The following DCC variants were observed in gnomAD, a reference collection of about 807,000 sequenced individuals.
DCC encodes netrin receptor DCC.
DCC carries 58 observed loss-of-function variants against 172.5 expected under a neutral mutation model. The ratio of observed to expected loss-of-function variants is 0.34; its 90% confidence interval spans 0.27 to 0.42. The LOEUF (loss-of-function observed/expected upper bound fraction) is 0.42. Among genes scored for constraint, DCC ranks in the 10% least tolerant of loss-of-function variants. The pLI is 1.00. For missense variants in DCC, 1,740 were observed against 1,791.0 expected, an observed-to-expected ratio of 0.97 and a Z score of 0.51; for synonymous variants, 709 against 644.5, an observed-to-expected ratio of 1.10 and a Z score of -1.52.
intron 7 of DCC, among the ~76,000 whole-genome samples, chr18:53,110,782 C>A (rs1173422046): frequency 1.6e-5 from 2 of 128,620 alleles, no homozygotes; most frequent in Non-Finnish European, 1.6e-5. Flanking sequence ...GAAATAGGAA[C>A]ACTTTTACAC....
chr18:53,349,678 A>G (rs761762681), intron 15 of DCC, among the ~76,000 whole-genome samples: 55 of 152,214 alleles, frequency 3.6e-4, no homozygotes, highest in Non-Finnish European at 5.9e-5. Context: ...AACCTACATG[A>G]CTGGCAGCAG....
At chr18:52,465,590 C>A (rs1203245515) in intron 1 of DCC, among the ~76,000 whole-genome samples, 1 of 152,116 alleles carries the variant, frequency 6.6e-6, no homozygotes, top group East Asian at 1.9e-4. Flanking sequence ...GAGGCTGCGG[C>A]CCTTTGTCCC....
chr18:53,424,544 A>G (rs1910800756), intron 21 of DCC, among the ~76,000 whole-genome samples: 1 of 152,326 alleles, frequency 6.6e-6, no homozygotes, highest in Non-Finnish European at 1.5e-5. Context: ...GGGATTTCAG[A>G]TAAATCATTG....
chr18:53,198,802 T>G (rs986354793), intron 9 of DCC, among the ~76,000 whole-genome samples: 21 of 152,214 alleles, frequency 1.4e-4, no homozygotes, highest in African/African-American at 4.3e-4. Flanking sequence ...ATGAGTTACT[T>G]GCATAGATTA....
intron 1 of DCC, among the ~76,000 whole-genome samples, chr18:52,569,995 C>T (rs896279451): frequency 6.6e-6 from 1 of 152,084 alleles, no homozygotes; most frequent in Non-Finnish European, 1.5e-5. Flanking sequence ...AGAAAGTACA[C>T]TGGATTAGGA....
At chr18:52,690,978 G>T (rs2035921452) in intron 1 of DCC, among the ~76,000 whole-genome samples, 1 of 152,068 alleles carries the variant, frequency 6.6e-6, no homozygotes, top group Admixed American at 6.6e-5. Context: ...ACGAAGGTCT[G>T]CCTCTCCAGG....
intron 1 of DCC, among the ~76,000 whole-genome samples, chr18:52,646,505 C>T (rs905080253): frequency 1.3e-5 from 2 of 152,190 alleles, no homozygotes; most frequent in African/African-American, 4.8e-5. Context: ...ACTTCAGATG[C>T]TAAGTCCAGG....
intron 1 of DCC, among the ~76,000 whole-genome samples, chr18:52,348,074 A>G (rs1030253169): frequency 2.0e-5 from 3 of 152,200 alleles, no homozygotes; most frequent in African/African-American, 7.2e-5. Flanking sequence ...CAGTAATAAA[A>G]TAAATATAAT....
chr18:52,590,042 G>A (rs1228371631), intron 1 of DCC, among the ~76,000 whole-genome samples: 3 of 152,028 alleles, frequency 2.0e-5, no homozygotes, highest in African/African-American at 7.3e-5. Flanking sequence ...ATAGCATAGT[G>A]CTCTGAGAAC....
At chr18:52,497,273 AAAAAAAAATATATAT>A (rs1417775190) in intron 1 of DCC, among the ~76,000 whole-genome samples, 1,619 of 86,476 alleles carry the variant, frequency 0.019, 327 homozygotes, top group Non-Finnish European at 0.028. Flanking sequence ...AAAAAAAAAA[AAAAAAAAATATATAT>A]ATATATATAT....
chr18:52,453,028 C>A (rs1568177001), intron 1 of DCC, among the ~76,000 whole-genome samples: 1 of 152,218 alleles, frequency 6.6e-6, no homozygotes, highest in Admixed American at 6.5e-5. Context: ...ATGTGCCCAG[C>A]GAATGTGCAT....
At chr18:52,588,850 G>A (rs756906870) in intron 1 of DCC, among the ~76,000 whole-genome samples, 1 of 151,490 alleles carries the variant, frequency 6.6e-6, no homozygotes, top group Non-Finnish European at 1.5e-5. Context: ...TTATACCAAT[G>A]ATATGCCAAC....
chr18:53,310,921 A>G (rs1052404791), intron 13 of DCC, among the ~76,000 whole-genome samples: 1 of 151,696 alleles, frequency 6.6e-6, no homozygotes, highest in Non-Finnish European at 1.5e-5. Flanking sequence ...TGAATTTTTT[A>G]CAGCTATGAA....
chr18:53,243,666 G>C (rs2056332033), intron 12 of DCC, among the ~76,000 whole-genome samples: 1 of 152,118 alleles, frequency 6.6e-6, no homozygotes, highest in Admixed American at 6.6e-5. Context: ...TAATGCTGCT[G>C]AACGCTTGGA....
chr18:52,888,056 A>T (rs2039594143), intron 2 of DCC, among the ~76,000 whole-genome samples: 2 of 152,238 alleles, frequency 1.3e-5, no homozygotes, highest in Admixed American at 1.3e-4. Flanking sequence ...TCCATTTTAT[A>T]TCACAAAGAA....
intron 1 of DCC, among the ~76,000 whole-genome samples, chr18:52,678,906 G>T (rs954329249): frequency 6.6e-6 from 1 of 151,810 alleles, no homozygotes; most frequent in African/African-American, 2.4e-5. Context: ...TTACCAGCTG[G>T]TGATAGATTC....
chr18:52,955,229 C>T (rs2040723088), intron 5 of DCC, among the ~76,000 whole-genome samples: 1 of 152,126 alleles, frequency 6.6e-6, no homozygotes, highest in African/African-American at 2.4e-5. Context: ...TTCCTGCATG[C>T]TGTGCCCTGG....
intron 1 of DCC, among the ~76,000 whole-genome samples, chr18:52,503,006 T>C (rs1215903272): frequency 6.6e-6 from 1 of 152,198 alleles, no homozygotes; most frequent in Non-Finnish European, 1.5e-5. Context: ...TACAAACGTA[T>C]TTAAGCTGCC....
At chr18:53,237,735 C>T (rs1452200860) in intron 12 of DCC, among the ~76,000 whole-genome samples, 1 of 151,974 alleles carries the variant, frequency 6.6e-6, no homozygotes, top group Non-Finnish European at 1.5e-5. Flanking sequence ...ATTATAATTC[C>T]CATTGTTTTA....
Sources: gnomAD v4.1 joint callset for allele counts (sites outside exome capture counted in the v4.1 genomes callset) on GRCh38, gnomAD v4.1.1 for gene constraint, MANE v1.5 for transcripts, NCBI Gene and HGNC (gene_info 2026-07-23, HGNC 2026-07-21) for gene names.